LARS2: variants seen among roughly 807,000 people sequenced by gnomAD.
LARS2 encodes the protein leucine--tRNA ligase, mitochondrial.
LARS2 carries 81 observed loss-of-function variants against 116.6 expected under a neutral mutation model. The ratio of observed to expected loss-of-function variants is 0.69; its 90% CI spans 0.58 to 0.84. The LOEUF is 0.84. LARS2 is among the 40% of genes least tolerant of loss of function. The pLI is 0.00. For synonymous variants in LARS2, 396 were observed against 407.2 expected, an observed-to-expected ratio of 0.97 and a Z score of 0.33; for missense variants, 968 against 1,114.5, an observed-to-expected ratio of 0.87 and a Z score of 1.87.
rs553778239 is a variant in LARS2, at chr3:45,456,126, C to T, written c.607-2617C>T. Among the ~76,000 whole-genome samples the T allele has an allele frequency of 7.9e-5, 12 of 152,036 alleles. No homozygotes were observed. In the South Asian group the frequency reaches 1.7e-3, roughly 21 times the overall value. ...GTCAGTCATAATGTTTTGTATATTTCGAGATAACTGAAAGAGTAAATTTAT... is the reference window on the plus strand; with the variant it reads ...GTCAGTCATAATGTTTTGTATATTTTGAGATAACTGAAAGAGTAAATTTAT... On this transcript the variant is annotated intron_variant, in intron 7 of 21. Transcript: ENST00000645846.
intron 13 of LARS2, 89 bp downstream of exon 13, chr3:45,491,889 C>G: frequency 7.9e-7 from 1 of 1,267,164 alleles, no homozygotes. Context: ...CTGGTGCTAA[C>G]TCTGCTCCCT....
intron 13 of LARS2, among the ~76,000 whole-genome samples, chr3:45,494,216 T>C (rs1454051289): frequency 6.6e-6 from 1 of 152,138 alleles, no homozygotes; most frequent in African/African-American, 2.4e-5. Flanking sequence ...GCGCCCATGC[T>C]CTCTGCTCAG....
intron 8 of LARS2, among the ~76,000 whole-genome samples, chr3:45,468,603 C>A (rs758810007): frequency 4.6e-5 from 7 of 152,160 alleles, no homozygotes; most frequent in Non-Finnish European, 7.3e-5. Context: ...TGCATTCTTA[C>A]CAGTGTAGTG....
At position 45,391,617 on chromosome 3, in the gene LARS2, T is replaced by C. The variant is rs1369631532; in HGVS notation, c.-53T>C. 1 of 152,220 alleles carries C rather than the reference T, an allele frequency of 6.6e-6. No homozygotes were observed. Among genetic ancestry groups the C allele is most frequent in the Non-Finnish European group, 1.5e-5 (1 of 68,040 alleles). The allele number at this position is 152,220 out of a possible 1,614,324, so 9.4% of individuals were successfully genotyped here. On this transcript the variant is annotated 5_prime_UTR_variant, in exon 2 of 22. Transcript: ENST00000645846. ...TACAGATAAAAAACATTATTTAATC[T>C]ATCTGGGATTTACTCCGGCTTATGA...
chr3:45,532,486 G>T (rs920894807), intron 20 of LARS2, among the ~76,000 whole-genome samples: 1 of 152,016 alleles, frequency 6.6e-6, no homozygotes, highest in Non-Finnish European at 1.5e-5. Flanking sequence ...ATTAAATTCT[G>T]TTTGGGAAAA....
intron 8 of LARS2, among the ~76,000 whole-genome samples, chr3:45,469,469 C>T (rs1699484755): frequency 6.6e-6 from 1 of 152,064 alleles, no homozygotes; most frequent in Non-Finnish European, 1.5e-5. Context: ...CCTCAGCCTC[C>T]CGAGCAGCTG....
chr3:45,409,993 A>G (rs567073829), intron 4 of LARS2, among the ~76,000 whole-genome samples: 14 of 152,352 alleles, frequency 9.2e-5, no homozygotes, highest in African/African-American at 3.4e-4. Context: ...GAAATGAATA[A>G]GTGTATTATG....
intron 3 of LARS2, among the ~76,000 whole-genome samples, chr3:45,398,885 C>T (rs964772847): frequency 1.3e-5 from 2 of 152,156 alleles, no homozygotes; most frequent in Non-Finnish European, 2.9e-5. Context: ...GTAGGTCCCC[C>T]CAGTAGGAGT....
chr3:45,509,368 A>G (rs1700248845), intron 15 of LARS2: 1 of 152,148 alleles, frequency 6.6e-6, no homozygotes, highest in African/African-American at 2.4e-5. Flanking sequence ...CCAATTGTGA[A>G]TCTGAATAAT....
At chr3:45,416,137 C>G (rs1481773126) in intron 4 of LARS2, among the ~76,000 whole-genome samples, 2 of 150,756 alleles carry the variant, frequency 1.3e-5, no homozygotes, top group African/African-American at 4.9e-5. Context: ...TTCAGTACTT[C>G]AGTAGTTGGG....
intron 14 of LARS2, among the ~76,000 whole-genome samples, chr3:45,497,503 C>T (rs753580579): frequency 3.9e-5 from 6 of 152,138 alleles, no homozygotes; most frequent in African/African-American, 1.2e-4. Context: ...CCCTATTCTT[C>T]GTGGTTCTAA....
chr3:45,410,708 G>A (rs1698317791), intron 4 of LARS2, among the ~76,000 whole-genome samples: 1 of 152,186 alleles, frequency 6.6e-6, no homozygotes, highest in Non-Finnish European at 1.5e-5. Context: ...AGAGCCACCT[G>A]AAGCCCTTAT....
chr3:45,531,851 C>T (rs968129342), intron 20 of LARS2, among the ~76,000 whole-genome samples: 2 of 152,222 alleles, frequency 1.3e-5, no homozygotes, highest in Admixed American at 6.5e-5. Context: ...AAAATCTACT[C>T]TCTTAGCAAT....
At chr3:45,531,984 A>G (rs1559499239) in intron 20 of LARS2, among the ~76,000 whole-genome samples, 1 of 152,202 alleles carries the variant, frequency 6.6e-6, no homozygotes, top group Non-Finnish European at 1.5e-5. Context: ...TTCTATCCTA[A>G]TTCCCTACTG....
chr3:45,528,218 G>T (rs1700560617), intron 20 of LARS2, among the ~76,000 whole-genome samples: 1 of 152,040 alleles, frequency 6.6e-6, no homozygotes, highest in African/African-American at 2.4e-5. Context: ...GTGTCTGTAG[G>T]CTCAGCTACT....
chr3:45,454,020 C>T (rs1252291841), intron 7 of LARS2, among the ~76,000 whole-genome samples: 1 of 151,230 alleles, frequency 6.6e-6, no homozygotes, highest in Admixed American at 6.6e-5. Context: ...GTGTGAAGGG[C>T]GAGGCAGGGA....
chr3:45,480,076 AC>A (rs937067191), intron 10 of LARS2, among the ~76,000 whole-genome samples: 27 of 152,322 alleles, frequency 1.8e-4, no homozygotes, highest in African/African-American at 6.3e-4. Flanking sequence ...TGGGGTGAGG[AC>A]AAAGGGTGAG....
intron 13 of LARS2, among the ~76,000 whole-genome samples, chr3:45,493,747 T>A (rs966884712): frequency 1.3e-5 from 2 of 152,054 alleles, no homozygotes; most frequent in Non-Finnish European, 2.9e-5. Context: ...CTTCTATCCC[T>A]CCTGCTTGCC....
chr3:45,539,627 T>C (rs1202434796), intron 20 of LARS2, among the ~76,000 whole-genome samples: 2 of 152,026 alleles, frequency 1.3e-5, no homozygotes, highest in African/African-American at 4.8e-5. Context: ...TGAGACTCTG[T>C]CTCAAAAAAA....
Sources: allele counts gnomAD v4.1 joint callset (sites outside exome capture counted in the v4.1 genomes callset), GRCh38; gene constraint gnomAD v4.1.1; transcripts MANE v1.5; gene names NCBI Gene and HGNC (gene_info 2026-07-23, HGNC 2026-07-21).